Variants in NLRP8 observed in about 807,000 individuals in gnomAD.
NLRP8 encodes NLR family pyrin domain containing 8, also known as NACHT, LRR and PYD domains-containing protein 8.
Under a neutral mutation model 88.7 loss-of-function variants are expected in NLRP8, and 86 were observed. The observed-to-expected ratio is 0.97, with a 90% CI of 0.81 to 1.16. NLRP8 has a LOEUF of 1.16. Among genes scored for constraint, NLRP8 ranks in the 50% most tolerant of loss-of-function variants. The pLI is 0.00. For missense variants in NLRP8, 1,342 were observed against 1,286.5 expected, an observed-to-expected ratio of 1.04 and a Z score of -0.66; for synonymous variants, 504 against 494.6, an observed-to-expected ratio of 1.02 and a Z score of -0.25.
At chr19:55,983,695 T>A (rs908748649) in intron 9 of NLRP8, among the ~76,000 whole-genome samples, 1 of 151,466 alleles carries the variant, frequency 6.6e-6, no homozygotes, top group African/African-American at 2.4e-5. Context: ...GACAAATGGA[T>A]ATCATGTGCC....
At chr19:55,978,963 C>T (rs1270021179) in intron 8 of NLRP8, among the ~76,000 whole-genome samples, 5 of 151,986 alleles carry the variant, frequency 3.3e-5, no homozygotes, top group African/African-American at 9.7e-5. Flanking sequence ...AACACCTGGC[C>T]CATTAGGACA....
intron 5 of NLRP8, among the ~76,000 whole-genome samples, chr19:55,966,660 G>A (rs1979858116): frequency 6.6e-6 from 1 of 152,014 alleles, no homozygotes; most frequent in African/African-American, 2.4e-5. Context: ...CAGCGTGGTG[G>A]CAGGCTAATC....
chr19:55,950,880 C>G (rs957852463), intron 1 of NLRP8, among the ~76,000 whole-genome samples: 1 of 152,214 alleles, frequency 6.6e-6, no homozygotes, highest in Non-Finnish European at 1.5e-5. Context: ...GAGTTTGAGA[C>G]CAGCCTGGCT....
At chr19:55,980,488 A>C (rs1490069955) in intron 9 of NLRP8, among the ~76,000 whole-genome samples, 1 of 152,204 alleles carries the variant, frequency 6.6e-6, no homozygotes, top group Non-Finnish European at 1.5e-5. Context: ...GGGAGGTTCT[A>C]GCTCATGGTA....
intron 8 of NLRP8, among the ~76,000 whole-genome samples, chr19:55,978,237 G>T (rs946646668): frequency 3.3e-5 from 5 of 151,914 alleles, no homozygotes; most frequent in Admixed American, 2.0e-4. Flanking sequence ...TTTAGAGGGG[G>T]GAGGGATAGC....
chr19:55,980,825 A>C (rs973522443), intron 9 of NLRP8, among the ~76,000 whole-genome samples: 29 of 152,200 alleles, frequency 1.9e-4, no homozygotes, highest in African/African-American at 5.3e-4. Context: ...GAGCCATCCA[A>C]GGGTGTGATT....
Position 55,966,396 on chromosome 19 carries a change from G to A in NLRP8, c.2381+16G>A, listed in dbSNP as rs77308844. 1.5e-3 allele frequency: 2,445 copies of A among 1,611,598 alleles called. 36 individuals carry two copies. The African/African-American group carries it at 0.03, about 20-fold the overall frequency. On this transcript the variant is annotated intron_variant, in intron 5 of 9. Coordinates refer to ENST00000291971, the MANE Select transcript of NLRP8 (RefSeq NM_176811.2). ...AGTGTCTCAGGTGAGATTTGAGAGG[G>A]GGGTTAGAGTGGGAACCGGGGTACC...
chr19:55,954,820 G>A lies in NLRP8; in HGVS notation c.762G>A (p.Gln254=). 1 of 1,614,204 alleles carries A rather than the reference G, an allele frequency of 6.2e-7. No homozygotes were observed. Among genetic ancestry groups the A allele is most frequent in the Non-Finnish European group, 8.5e-7 (1 of 1,180,030 alleles). Residue 254 remains glutamine (Q), a synonymous_variant, in exon 3 of 10, where the codon CAG becomes CAA. Transcript: ENST00000291971. ...AAGAGGTGAACCAGACGACAGACCA[G>A]AGCTTCTCCGAGCTGATTGAGCAAA...
intron 5 of NLRP8, among the ~76,000 whole-genome samples, chr19:55,967,952 C>G (rs1479440343): frequency 6.6e-6 from 1 of 152,242 alleles, no homozygotes; most frequent in African/African-American, 2.4e-5. Flanking sequence ...AGAAACACTT[C>G]TGGCCTCTGG....
chr19:55,975,825 A>C (rs961228347), intron 7 of NLRP8, among the ~76,000 whole-genome samples: 1 of 152,164 alleles, frequency 6.6e-6, no homozygotes, highest in Non-Finnish European at 1.5e-5. Context: ...GGTTTTCCTT[A>C]GGGGTGACAA....
chr19:55,949,582 A>C (rs1482624534), intron 1 of NLRP8, among the ~76,000 whole-genome samples: 1 of 152,140 alleles, frequency 6.6e-6, no homozygotes, highest in African/African-American at 2.4e-5. Context: ...GTTCAGTACT[A>C]TCCACAGTTT....
At chr19:55,959,758 C>T (rs1979531679) in intron 3 of NLRP8, among the ~76,000 whole-genome samples, 1 of 152,166 alleles carries the variant, frequency 6.6e-6, no homozygotes, top group Admixed American at 6.5e-5. Context: ...TTAAAAATTA[C>T]AAAGTTTTCC....
At position 55,956,118 on chromosome 19, in the gene NLRP8, T is replaced by C. The variant is rs200184757; in HGVS notation, c.2042+18T>C. 3.7e-5 allele frequency: 59 copies of C among 1,597,566 alleles called. No individual in the cohort carries two copies. The East Asian group carries it at 1.1e-3, about 28-fold the overall frequency. On this transcript the variant is annotated intron_variant, in intron 3 of 9. Transcript: ENST00000291971. Reference sequence around the variant, plus strand: ...GGCTCTGAGTAAGTGCTTCGGTCCCTCCTTGGGTAGCCCGTCCTACCCGGA... The same window carrying C: ...GGCTCTGAGTAAGTGCTTCGGTCCCCCCTTGGGTAGCCCGTCCTACCCGGA...
intron 5 of NLRP8, among the ~76,000 whole-genome samples, chr19:55,967,837 C>T (rs919563954): frequency 6.6e-6 from 1 of 152,208 alleles, no homozygotes; most frequent in African/African-American, 2.4e-5. Flanking sequence ...ATATATTAAA[C>T]AACAAAAGTC....
Position 55,988,016 on chromosome 19 carries a change from C to T in NLRP8, c.*103C>T. 3.4e-6 allele frequency: 3 copies of T among 874,170 alleles called. No homozygotes were observed. Among genetic ancestry groups the T allele is most frequent in the Non-Finnish European group, 5.6e-6 (3 of 537,178 alleles). 54.2% of individuals were successfully genotyped at this position (874,170 alleles called of 1,614,324 possible). On this transcript the variant is annotated 3_prime_UTR_variant, in exon 10 of 10. Coordinates refer to ENST00000291971, the MANE Select transcript of NLRP8 (RefSeq NM_176811.2). ...CCTGTATGCATTAACGTACTTTCCC[C>T]TGAAACAGAGCAACCCAGTCAACAC...
chr19:55,966,141 C>T lies in NLRP8; in HGVS notation c.2214-72C>T, dbSNP rs1406512628. 1.8e-5 allele frequency: 27 copies of T among 1,474,122 alleles called. 1 individual carries two copies. The East Asian group carries it at 4.3e-4, about 24-fold the overall frequency. The allele number at this position is 1,474,122 out of a possible 1,614,324, so 91.3% of individuals were successfully genotyped here. On this transcript the variant is annotated intron_variant, in intron 4 of 9. Transcript: ENST00000291971. ...TCCCACGTGCAGCTTCCGGGAGCCT[C>T]GTTTGTGAGGCCACAGAATTCTACG...
chr19:55,976,284 T>C lies in NLRP8; in HGVS notation c.2857T>C (p.Cys953Arg). The change falls in exon 8 of 10, where the codon TGT becomes CGT. Residue 953 changes from cysteine to arginine, a missense_variant. By Grantham distance (180) the Cys-to-Arg change is radical (BLOSUM62 -3). Coordinates refer to ENST00000291971, the MANE Select transcript of NLRP8 (RefSeq NM_176811.2). The stretch of plus-strand genomic sequence containing the variant: ...GTGTGAGGCCCTGAAGAACCCTGAC[T>C]GTACATTACAGATCCTGGAGTAAGT... The C allele has an allele frequency of 3.1e-6, 5 of 1,607,630 alleles. No individual in the cohort carries two copies. Among genetic ancestry groups the C allele is most frequent in the Non-Finnish European group, 4.2e-6 (5 of 1,178,338 alleles).
intron 8 of NLRP8, among the ~76,000 whole-genome samples, chr19:55,977,128 A>G (rs991468002): frequency 4.7e-5 from 7 of 147,380 alleles, no homozygotes; most frequent in African/African-American, 1.5e-4. Flanking sequence ...ATAAAGATAC[A>G]TAAGATACAT....
In NLRP8 at chr19:55,955,208, A is replaced by G. The variant is rs191636423; in HGVS notation, c.1150A>G (p.Met384Val). Residue 384 changes from methionine (M) to valine (V), a missense_variant, in exon 3 of 10, where the codon ATG becomes GTG. Met to Val is a conservative substitution (Grantham distance 21). Coordinates refer to ENST00000291971, the MANE Select transcript of NLRP8 (RefSeq NM_176811.2). ...GGGAGACCAAGTCTTGAGTTTCGCC[A>G]TGGAAAACACCATTCTCTTCTCCAT... 327 of 1,614,140 alleles carry G rather than the reference A, an allele frequency of 2.0e-4. 2 individuals are homozygous for G. In the East Asian group the frequency reaches 6.9e-3, roughly 34 times the overall value.
Sources: allele counts gnomAD v4.1 joint callset (sites outside exome capture counted in the v4.1 genomes callset), GRCh38; gene constraint gnomAD v4.1.1; transcripts MANE v1.5; gene names NCBI Gene and HGNC (gene_info 2026-07-23, HGNC 2026-07-21).